MCTP1: variants seen among roughly 807,000 people sequenced by gnomAD.
The protein encoded by MCTP1 is multiple C2 and transmembrane domain containing 1, also known as multiple C2 and transmembrane domain-containing protein 1.
Under a neutral mutation model 120.6 loss-of-function variants are expected in MCTP1, and 69 were observed. The observed-to-expected ratio is 0.57, with a 90% CI of 0.47 to 0.70. The LOEUF (loss-of-function observed/expected upper bound fraction) is 0.70. Among genes scored for constraint, MCTP1 ranks in the 30% least tolerant of loss-of-function variants. MCTP1 has a pLI of 0.00. For missense variants in MCTP1, 1,203 were observed against 1,248.8 expected (o/e 0.96, Z 0.55); for synonymous variants, 529 against 493.1 (o/e 1.07, Z -0.96).
rs1239786269 is a variant in MCTP1, at chr5:94,920,785, ATAAT to A, written c.1273-2816_1273-2813del. Among the ~76,000 whole-genome samples, 789 of 147,410 alleles carry A rather than the reference ATAAT, an allele frequency of 5.4e-3. 9 individuals are homozygous for A. Among genetic ancestry groups the A allele is most frequent in the African/African-American group, 0.018 (740 of 40,340 alleles). ...AATAAATAAATAAATAAATAAATAA[ATAAT>A]AAAAAGTCAAAAACTCTTCTCCTTA... On this transcript the variant is annotated intron_variant, in intron 7 of 22. Transcript: ENST00000515393.
intron 17 of MCTP1, among the ~76,000 whole-genome samples, chr5:94,859,674 A>C (rs540994756): frequency 1.4e-4 from 22 of 151,760 alleles, no homozygotes; most frequent in Admixed American, 2.6e-4. Flanking sequence ...TTGCTGCCTA[A>C]CTAGAAGAAG....
rs1324701858 is a variant in MCTP1, at chr5:94,706,243, C to G, written c.*1253G>C. The G allele has an allele frequency of 2.0e-5, 3 of 151,616 alleles. No individual in the cohort carries two copies. Among genetic ancestry groups the G allele is most frequent in the African/African-American group, 7.3e-5 (3 of 41,350 alleles). 9.4% of individuals were successfully genotyped at this position (151,616 alleles called of 1,614,324 possible). A position where few individuals can be genotyped will look rare whatever the true frequency, so the allele number is the denominator to read the frequency against. ...AGTCAGGGAAGTAAGACATTCTCAA[C>G]CAACCAAATTATTTTTTCTCCAGAG... On this transcript the variant is annotated 3_prime_UTR_variant, in exon 23 of 23. Coordinates refer to ENST00000515393, the MANE Select transcript of MCTP1 (RefSeq NM_024717.7).
intron 1 of MCTP1, among the ~76,000 whole-genome samples, chr5:95,188,995 A>T (rs1015158072): frequency 1.3e-5 from 2 of 152,142 alleles, no homozygotes; most frequent in South Asian, 2.1e-4. Flanking sequence ...GAATCTAAAA[A>T]ATCTCAAAAT....
At chr5:95,277,413 G>T (rs1485033913) in intron 1 of MCTP1, among the ~76,000 whole-genome samples, 1 of 152,198 alleles carries the variant, frequency 6.6e-6, no homozygotes. Flanking sequence ...AAATATATCT[G>T]CCAGGCTTAA....
chr5:94,929,078 C>A (rs769844616), intron 6 of MCTP1, among the ~76,000 whole-genome samples: 13 of 152,156 alleles, frequency 8.5e-5, no homozygotes, highest in Non-Finnish European at 1.8e-4. Flanking sequence ...GCTTAAGGAA[C>A]AGGAAATTCC....
At chr5:95,081,563 G>T in intron 1 of MCTP1, 2 of 1,515,102 alleles carry the variant, frequency 1.3e-6, no homozygotes, top group Non-Finnish European at 8.9e-7. Context: ...ACTGAATACC[G>T]GCAAAAGAGG....
At chr5:95,061,140 A>C (rs1389884912) in intron 1 of MCTP1, among the ~76,000 whole-genome samples, 3 of 151,730 alleles carry the variant, frequency 2.0e-5, no homozygotes, top group African/African-American at 7.3e-5. Flanking sequence ...ATGCATTGAC[A>C]TGAGTATAAC....
chr5:94,748,945 G>A (rs889468977), intron 19 of MCTP1, among the ~76,000 whole-genome samples: 3 of 152,226 alleles, frequency 2.0e-5, no homozygotes, highest in African/African-American at 7.2e-5. Flanking sequence ...AGAAGCCTGG[G>A]AGATGAGCTG....
chr5:94,933,398 T>C (rs1815305528), intron 5 of MCTP1, among the ~76,000 whole-genome samples: 1 of 151,676 alleles, frequency 6.6e-6, no homozygotes, highest in Non-Finnish European at 1.5e-5. Context: ...ATCATCATCA[T>C]CACCACCACC....
chr5:95,162,323 G>A (rs894300611), intron 1 of MCTP1, among the ~76,000 whole-genome samples: 2 of 152,096 alleles, frequency 1.3e-5, no homozygotes, highest in Admixed American at 1.3e-4. Context: ...AACAAAAGTT[G>A]TATTTTTGAA....
At chr5:94,777,625 C>T (rs1383889731) in intron 19 of MCTP1, among the ~76,000 whole-genome samples, 1 of 152,064 alleles carries the variant, frequency 6.6e-6, no homozygotes, top group Non-Finnish European at 1.5e-5. Flanking sequence ...AAATGGATGG[C>T]AGCTCAGTGT....
intron 8 of MCTP1, among the ~76,000 whole-genome samples, chr5:94,913,993 G>A (rs1261007222): frequency 6.6e-6 from 1 of 152,102 alleles, no homozygotes; most frequent in Non-Finnish European, 1.5e-5. Flanking sequence ...TCCTGCCTCA[G>A]CCTCCCAAAG....
intron 2 of MCTP1, among the ~76,000 whole-genome samples, chr5:95,015,742 G>A (rs1458352737): frequency 4.6e-5 from 7 of 151,800 alleles, no homozygotes; most frequent in South Asian, 2.1e-4. Context: ...ATAGTATTCC[G>A]CCATGTAGAT....
intron 17 of MCTP1, among the ~76,000 whole-genome samples, chr5:94,817,016 G>C (rs1784596522): frequency 6.6e-6 from 1 of 152,130 alleles, no homozygotes. Flanking sequence ...CTTGATAACA[G>C]GTACTGAAAA....
In MCTP1 at chr5:94,806,125, C is replaced by T. The variant is rs574545041; in HGVS notation, c.2437-6993G>A. ...AGCCAATTTTATTCTTCCTTTTTTC[C>T]CACCATCTTACACGACTCTGAATAA... On this transcript the variant is annotated intron_variant, in intron 17 of 22. Transcript: ENST00000515393. 8.6e-5 allele frequency among the ~76,000 whole-genome samples: 13 copies of T among 151,644 alleles called. No homozygotes were observed. In the East Asian group the frequency reaches 2.5e-3, roughly 30 times the overall value.
chr5:94,778,362 G>A (rs544063091), intron 19 of MCTP1, among the ~76,000 whole-genome samples: 1 of 152,246 alleles, frequency 6.6e-6, no homozygotes, highest in East Asian at 1.9e-4. Context: ...AGATGATGAT[G>A]TAACAGCATC....
At chr5:94,755,423 C>T (rs566385577) in intron 19 of MCTP1, among the ~76,000 whole-genome samples, 6 of 152,112 alleles carry the variant, frequency 3.9e-5, no homozygotes, top group African/African-American at 7.2e-5. Context: ...TCTCTTTCCC[C>T]GCTTCAGAAT....
intron 1 of MCTP1, among the ~76,000 whole-genome samples, chr5:95,168,976 A>G (rs975786012): frequency 2.0e-5 from 3 of 152,112 alleles, no homozygotes; most frequent in South Asian, 2.1e-4. Context: ...GTCTTGTGCC[A>G]GTTTTCAAAG....
In MCTP1 at chr5:95,110,933, G is replaced by A. The variant is rs563637325; in HGVS notation, c.721-93449C>T. 2.1e-4 allele frequency among the ~76,000 whole-genome samples: 32 copies of A among 152,250 alleles called. 1 individual carries two copies. The South Asian group carries it at 4.8e-3, about 23-fold the overall frequency. On this transcript the variant is annotated intron_variant, in intron 1 of 22. Coordinates refer to ENST00000515393, the MANE Select transcript of MCTP1 (RefSeq NM_024717.7). ...ATTCAAGGATAATTCCCTGGGACTC[G>A]TTATCATGTCAGCAAAACAACCCTC...
Sources: gnomAD v4.1 joint callset for allele counts (sites outside exome capture counted in the v4.1 genomes callset) on GRCh38, gnomAD v4.1.1 for gene constraint, MANE v1.5 for transcripts, NCBI Gene and HGNC (gene_info 2026-07-23, HGNC 2026-07-21) for gene names.